The following UNC5A variants were observed in gnomAD, a reference collection of about 807,000 sequenced individuals.
The protein encoded by UNC5A is unc-5 netrin receptor A.
In UNC5A, 20 loss-of-function variants were observed where a neutral mutation model predicts 87.4. That is an observed-to-expected ratio of 0.23 (90% CI 0.16 to 0.33). The LOEUF (loss-of-function observed/expected upper bound fraction) is 0.33. Ranked by LOEUF, UNC5A falls within the 10% of genes least tolerant of loss-of-function variation. The pLI, the probability that UNC5A is intolerant of heterozygous loss-of-function variation, is 1.00. For missense variants in UNC5A, 844 were observed against 1,133.4 expected (o/e 0.74, Z 3.67); for synonymous variants, 438 against 482.3 (o/e 0.91, Z 1.20).
chr5:176,815,381 G>C (rs1283128922), intron 1 of UNC5A, among the ~76,000 whole-genome samples: 1 of 152,198 alleles, frequency 6.6e-6, no homozygotes. Context: ...CTTCTGGGGA[G>C]TCTCACCCCG....
In UNC5A at chr5:176,874,716, G is replaced by A; in HGVS notation, c.1378+150G>A. 2.2e-6 allele frequency: 2 copies of A among 927,234 alleles called. No homozygotes were observed. Among genetic ancestry groups the A allele is most frequent in the Non-Finnish European group, 3.1e-6 (2 of 649,514 alleles). The allele number at this position is 927,234 out of a possible 1,614,324, so 57.4% of individuals were successfully genotyped here. On this transcript the variant is annotated intron_variant, in intron 8 of 14. Coordinates refer to ENST00000329542, the MANE Select transcript of UNC5A (RefSeq NM_133369.3). The surrounding 1 kb of genome is among the most constrained non-coding windows in gnomAD (Gnocchi z 7.6). ...TTTGGGGAGAACCCAGTCTTGGCTG[G>A]CACCGAGGCCGTGGCCAGAGCTGTC...
rs921053869 is a variant in UNC5A, at chr5:176,848,112, C to T, written c.71-14512C>T. 2.7e-5 allele frequency among the ~76,000 whole-genome samples: 4 copies of T among 150,370 alleles called. No individual in the cohort carries two copies. Among genetic ancestry groups the T allele is most frequent in the African/African-American group, 9.8e-5 (4 of 40,784 alleles). On this transcript the variant is annotated intron_variant, in intron 1 of 14. Transcript: ENST00000329542. This position sits in a 1 kb window ranked among gnomAD's most constrained non-coding sequence, Gnocchi z 5.8. ...CTGACCAGCTGACCAGCAGCCCCCACGCTGCGGCCTCCTCCAGGCTGGTTT... is the reference window on the plus strand; with the variant it reads ...CTGACCAGCTGACCAGCAGCCCCCATGCTGCGGCCTCCTCCAGGCTGGTTT...
intron 1 of UNC5A, among the ~76,000 whole-genome samples, chr5:176,837,014 A>T (rs6884743): frequency 8.4e-4 from 128 of 152,280 alleles, no homozygotes; most frequent in African/African-American, 2.8e-3. Flanking sequence ...GTCTCTGTGT[A>T]TGTGTGAGTC....
intron 1 of UNC5A, among the ~76,000 whole-genome samples, chr5:176,828,158 C>T (rs1468331304): frequency 6.6e-6 from 1 of 152,152 alleles, no homozygotes; most frequent in East Asian, 1.9e-4. Context: ...GTCTTGTCAC[C>T]AGGATAAATG....
intron 6 of UNC5A, among the ~76,000 whole-genome samples, 156 bp from the exon 7 acceptor site, chr5:176,873,812 G>A (rs1002504191): frequency 2.6e-5 from 4 of 152,164 alleles, no homozygotes; most frequent in South Asian, 2.1e-4. Context: ...GGATGCACAC[G>A]CACGGACTCC....
chr5:176,873,847 T>C, intron 6 of UNC5A, 121 bp from the exon 7 acceptor site: 1 of 1,006,892 alleles, frequency 9.9e-7, no homozygotes, highest in Non-Finnish European at 1.5e-6. Context: ...AAGCGTCTGC[T>C]CCCTAGCTAG....
At chr5:176,834,579 GCT>G (rs1306822944) in intron 1 of UNC5A, among the ~76,000 whole-genome samples, 1 of 151,942 alleles carries the variant, frequency 6.6e-6, no homozygotes, top group African/African-American at 2.4e-5. Flanking sequence ...AAGGAGCAGG[GCT>G]CTGTTTGCCG....
At chr5:176,861,794 C>CA (rs1270832670) in intron 1 of UNC5A, among the ~76,000 whole-genome samples, 4 of 145,966 alleles carry the variant, frequency 2.7e-5, no homozygotes, top group African/African-American at 1.0e-4. Context: ...TGTGAATGCG[C>CA]ATTGGTGGGG....
intron 1 of UNC5A, among the ~76,000 whole-genome samples, chr5:176,823,411 C>T (rs1243389637): frequency 6.6e-5 from 10 of 152,120 alleles, no homozygotes; most frequent in African/African-American, 1.9e-4. Flanking sequence ...AGCGGAACAG[C>T]GTTTCCGGGT....
At position 176,866,790 on chromosome 5, in the gene UNC5A, C is replaced by G. The variant is rs891326205; in HGVS notation, c.293-1340C>G. Among the ~76,000 whole-genome samples, 2 of 152,138 alleles carry G rather than the reference C, an allele frequency of 1.3e-5. No individual in the cohort carries two copies. The highest frequency in any genetic ancestry group is 4.8e-5 in the African/African-American group (2 of 41,430). ...CGTTCTCAGCCTGCCCACCCCACCCCCTGAGAGTGTCCACACTGGGTGTCT... is the reference window on the plus strand; with the variant it reads ...CGTTCTCAGCCTGCCCACCCCACCCGCTGAGAGTGTCCACACTGGGTGTCT... On this transcript the variant is annotated intron_variant, in intron 2 of 14. Transcript: ENST00000329542. The surrounding 1 kb of genome is among the most constrained non-coding windows in gnomAD (Gnocchi z 5.0).
intron 1 of UNC5A, among the ~76,000 whole-genome samples, chr5:176,858,791 G>GCAA: frequency 6.7e-6 from 1 of 150,168 alleles, no homozygotes; most frequent in African/African-American, 2.4e-5. Context: ...AAGCAGGCAG[G>GCAA]GAGGGAGGGA....
chr5:176,843,751 CT>C (rs1209015363), intron 1 of UNC5A, among the ~76,000 whole-genome samples: 1 of 152,226 alleles, frequency 6.6e-6, no homozygotes, highest in African/African-American at 2.4e-5. Context: ...TGGAGCCCCC[CT>C]GCTCAGGCTG....
rs760851659 is a variant in UNC5A, at chr5:176,877,891, C to T, written c.1636-3C>T. ...GAATTGACCCACTGACCCCTGCCCA[C>T]AGGATGTGCTGCACCTGGGCGAGGA... On this transcript the variant is annotated splice_polypyrimidine_tract_variant and splice_region_variant and intron_variant, in intron 10 of 14. Transcript: ENST00000329542. 5 of 1,598,598 alleles carry T rather than the reference C, an allele frequency of 3.1e-6. No individual in the cohort carries two copies. Among genetic ancestry groups the T allele is most frequent in the South Asian group, 1.1e-5 (1 of 90,600 alleles).
chr5:176,816,630 T>C (rs1175820640), intron 1 of UNC5A, among the ~76,000 whole-genome samples: 2 of 152,268 alleles, frequency 1.3e-5, no homozygotes, highest in Non-Finnish European at 2.9e-5. Flanking sequence ...CTCCTGGCCC[T>C]GCATCCAGCT....
At position 176,810,935 on chromosome 5, in the gene UNC5A, G is replaced by A. The variant is rs1268346032; in HGVS notation, c.70+115G>A. Reference sequence around the variant, plus strand: ...CAGACCCGGCTGGGAGCCCCCCGAGGCCAAACTTTGCGAGGCGGGACGCGG... The same window carrying A: ...CAGACCCGGCTGGGAGCCCCCCGAGACCAAACTTTGCGAGGCGGGACGCGG... On this transcript the variant is annotated intron_variant, in intron 1 of 14. Coordinates refer to ENST00000329542, the MANE Select transcript of UNC5A (RefSeq NM_133369.3). The surrounding 1 kb of genome is among the most constrained non-coding windows in gnomAD (Gnocchi z 7.3). The A allele has an allele frequency of 4.3e-6, 4 of 940,078 alleles. No homozygotes were observed. The highest frequency in any genetic ancestry group is 5.3e-6 in the Non-Finnish European group (4 of 752,368). 58.2% of individuals were successfully genotyped at this position (940,078 alleles called of 1,614,324 possible).
intron 1 of UNC5A, among the ~76,000 whole-genome samples, chr5:176,834,711 CTG>C (rs1757109828): frequency 1.3e-5 from 2 of 151,196 alleles, no homozygotes; most frequent in African/African-American, 4.9e-5. Context: ...CTCTGTCTCT[CTG>C]TCTCTCTCTC....
chr5:176,842,974 C>T (rs1757312936), intron 1 of UNC5A, among the ~76,000 whole-genome samples: 1 of 151,914 alleles, frequency 6.6e-6, no homozygotes, highest in Non-Finnish European at 1.5e-5. Context: ...CAAGCCTGGC[C>T]AACATGGCAA....
At chr5:176,880,898 AC>A, downstream of UNC5A, 1 of 603,908 alleles carries the variant, frequency 1.7e-6, no homozygotes, top group Non-Finnish European at 2.8e-6. Context: ...TATATTGCTA[AC>A]CTGAGTGCTA....
At chr5:176,831,931 CTG>C (rs1757040849) in intron 1 of UNC5A, among the ~76,000 whole-genome samples, 1 of 128,398 alleles carries the variant, frequency 7.8e-6, no homozygotes, top group Non-Finnish European at 1.6e-5. Context: ...GAGTCTCACT[CTG>C]TTGCCCAGGC....
Sources: gnomAD v4.1 joint callset for allele counts (sites outside exome capture counted in the v4.1 genomes callset) on GRCh38, gnomAD v4.1.1 for gene constraint, Gnocchi (gnomAD v3.1) non-coding constraint, MANE v1.5 for transcripts, NCBI Gene and HGNC (gene_info 2026-07-23, HGNC 2026-07-21) for gene names.